Variants in USP34 observed in about 807,000 individuals in gnomAD.
USP34 encodes ubiquitin specific peptidase 34.
A neutral mutation model predicts 460.3 loss-of-function variants in USP34; 70 were observed. The observed-to-expected ratio is 0.15, with a 90% CI of 0.13 to 0.19. The LOEUF (loss-of-function observed/expected upper bound fraction) is 0.19. Ranked by LOEUF, USP34 falls within the 10% of genes least tolerant of loss-of-function variation. The pLI, the probability that USP34 is intolerant of heterozygous loss-of-function variation, is 1.00. For missense variants in USP34, 3,985 were observed against 4,236.2 expected (o/e 0.94, Z 1.65); for synonymous variants, 1,647 against 1,405.3 (o/e 1.17, Z -3.85).
At chr2:61,314,001 C>T (rs1690671831) in intron 25 of USP34, among the ~76,000 whole-genome samples, 1 of 151,796 alleles carries the variant, frequency 6.6e-6, no homozygotes, top group South Asian at 2.1e-4. Context: ...ATCTACTCAC[C>T]TTTCATTTCA....
intron 53 of USP34, among the ~76,000 whole-genome samples, chr2:61,236,716 T>G (rs1688079998): frequency 6.6e-6 from 1 of 152,154 alleles, no homozygotes; most frequent in South Asian, 2.1e-4. Context: ...TCTGATAAGG[T>G]TACAAAAGAG....
chr2:61,294,919 C>T (rs1442645394), intron 32 of USP34, 30 bp downstream of exon 32: 1 of 1,562,710 alleles, frequency 6.4e-7, no homozygotes, highest in East Asian at 2.3e-5. Flanking sequence ...TTATTTTTAT[C>T]AATACATTGA....
chr2:61,192,593 C>T (rs1686674109), intron 76 of USP34, among the ~76,000 whole-genome samples: 2 of 152,118 alleles, frequency 1.3e-5, no homozygotes, highest in South Asian at 2.1e-4. Context: ...AGTGCCTTTT[C>T]CCCCACTATC....
At chr2:61,240,218 C>T (rs778613530) in intron 53 of USP34, among the ~76,000 whole-genome samples, 2 of 141,866 alleles carry the variant, frequency 1.4e-5, no homozygotes, top group Non-Finnish European at 3.0e-5. Flanking sequence ...CAATAATGTA[C>T]TATTACTACT....
chr2:61,431,531 G>A (rs534814015), intron 1 of USP34, among the ~76,000 whole-genome samples: 7 of 152,278 alleles, frequency 4.6e-5, no homozygotes, highest in Non-Finnish European at 7.4e-5. Flanking sequence ...CTGGCTTTAG[G>A]ATTACTATAG....
intron 67 of USP34, among the ~76,000 whole-genome samples, chr2:61,218,494 T>A (rs1687468482): frequency 6.6e-6 from 1 of 152,086 alleles, no homozygotes; most frequent in Non-Finnish European, 1.5e-5. Context: ...GGTACATTTG[T>A]TGTGACTAAG....
At chr2:61,268,438 TAAAAAAA>T (rs35618230) in intron 41 of USP34, among the ~76,000 whole-genome samples, 8 of 53,378 alleles carry the variant, frequency 1.5e-4, no homozygotes, top group East Asian at 6.4e-4. Flanking sequence ...GAGCTGTTGT[TAAAAAAA>T]AAAAAAAAAA....
chr2:61,209,653 T>C (rs968057615), intron 69 of USP34, among the ~76,000 whole-genome samples: 2 of 152,264 alleles, frequency 1.3e-5, no homozygotes, highest in African/African-American at 4.8e-5. Flanking sequence ...ATAATGTTAA[T>C]AAATGACTAT....
chr2:61,358,064 T>C (rs1692159415), intron 10 of USP34, among the ~76,000 whole-genome samples: 1 of 151,798 alleles, frequency 6.6e-6, no homozygotes, highest in African/African-American at 2.4e-5. Context: ...TGGTGGCACA[T>C]GCCTGTAGTC....
chr2:61,300,915 CACAAA>C, intron 29 of USP34, 31 bp downstream of exon 29: 1 of 1,467,088 alleles, frequency 6.8e-7, no homozygotes, highest in East Asian at 2.3e-5. Context: ...TCAACAGAGA[CACAAA>C]ACAAGATTTG....
intron 70 of USP34, 87 bp from the exon 71 acceptor site, chr2:61,206,973 T>C: frequency 1.4e-6 from 2 of 1,408,096 alleles, no homozygotes; most frequent in Non-Finnish European, 1.9e-6. Context: ...CTACGATAGA[T>C]GTTTTCAGAC....
intron 48 of USP34, among the ~76,000 whole-genome samples, chr2:61,254,048 T>C (rs1688657807): frequency 6.6e-6 from 1 of 152,232 alleles, no homozygotes; most frequent in Non-Finnish European, 1.5e-5. Context: ...TGCCAAACTT[T>C]AAAAATCAAT....
chr2:61,222,448 A>G (rs577853731), intron 65 of USP34, among the ~76,000 whole-genome samples, 171 bp downstream of exon 65: 5 of 152,306 alleles, frequency 3.3e-5, no homozygotes, highest in East Asian at 3.9e-4. Flanking sequence ...TATATTCGTA[A>G]TAAGACATGA....
In USP34 at chr2:61,339,398, A is replaced by T. The variant is rs200803975; in HGVS notation, c.2697T>A (p.Ile899=). ...SLVCWFTDRQ[I]RMRFIEGCLE... ...GGCAACCTTCAATGAATCTCATTCG[A>T]ATTTGTCTATCTGTAAACCAACATA... Residue 899 remains isoleucine (I), a synonymous_variant, in exon 18 of 80, where the codon ATT becomes ATA. Coordinates refer to ENST00000398571, the MANE Select transcript of USP34 (RefSeq NM_014709.4). 271 of 1,609,646 alleles carry T rather than the reference A, an allele frequency of 1.7e-4. 1 individual carries two copies. The highest frequency in any genetic ancestry group is 2.0e-4 in the Admixed American group (12 of 59,468).
At chr2:61,403,989 T>C (rs1239427645) in intron 3 of USP34, among the ~76,000 whole-genome samples, 2 of 38,118 alleles carry the variant, frequency 5.2e-5, no homozygotes, top group African/African-American at 6.7e-5. Context: ...CAAGACTCTA[T>C]CTCAAAAAAA....
At chr2:61,329,949 G>A (rs1003823498) in intron 20 of USP34, among the ~76,000 whole-genome samples, 1 of 152,184 alleles carries the variant, frequency 6.6e-6, no homozygotes, top group African/African-American at 2.4e-5. Context: ...TTGACAGATA[G>A]AAAGAATGAA....
intron 42 of USP34, 166 bp from the exon 43 acceptor site, chr2:61,265,723 A>C (rs1316076622): frequency 4.1e-6 from 3 of 733,538 alleles, no homozygotes; most frequent in Non-Finnish European, 5.8e-6. Flanking sequence ...AAACTAATTT[A>C]TTCTCTAAAA....
intron 5 of USP34, among the ~76,000 whole-genome samples, chr2:61,386,604 C>T (rs575081051): frequency 6.6e-6 from 1 of 152,194 alleles, no homozygotes; most frequent in South Asian, 2.1e-4. Flanking sequence ...TCCTGGCCAA[C>T]ATGGTGAAAC....
intron 23 of USP34, among the ~76,000 whole-genome samples, chr2:61,317,121 C>T (rs1690773720): frequency 6.6e-6 from 1 of 152,182 alleles, no homozygotes; most frequent in Non-Finnish European, 1.5e-5. Context: ...AGAACACTGA[C>T]ATGGCCACTT....
Sources: allele counts gnomAD v4.1 joint callset (sites outside exome capture counted in the v4.1 genomes callset), GRCh38; gene constraint gnomAD v4.1.1; transcripts MANE v1.5; gene names NCBI Gene and HGNC (gene_info 2026-07-23, HGNC 2026-07-21).